Variants in COL21A1 observed in about 807,000 individuals in gnomAD.
COL21A1 encodes the protein collagen alpha-1(XXI) chain.
Under a neutral mutation model 137.9 loss-of-function variants are expected in COL21A1, and 149 were observed. The observed-to-expected ratio is 1.08, with a 90% CI of 0.95 to 1.24. COL21A1 has a LOEUF of 1.24. Among genes scored for constraint, COL21A1 ranks in the 50% most tolerant of loss-of-function variants. The pLI is 0.00. For synonymous variants in COL21A1, 456 were observed against 391.5 expected (o/e 1.16, Z -1.95); for missense variants, 1,167 against 1,158.4 (o/e 1.01, Z -0.11).
intron 1 of COL21A1, among the ~76,000 whole-genome samples, chr6:56,270,642 C>T (rs1763503569): frequency 1.3e-5 from 2 of 152,222 alleles, no homozygotes; most frequent in African/African-American, 4.8e-5. Context: ...GTTTCTCTCA[C>T]CCTAATCTCA....
At chr6:56,267,943 G>A (rs1196259253) in intron 1 of COL21A1, among the ~76,000 whole-genome samples, 2 of 152,066 alleles carry the variant, frequency 1.3e-5, no homozygotes, top group Non-Finnish European at 2.9e-5. Flanking sequence ...AGCCTCCACT[G>A]CCCAGCCTTT....
intron 1 of COL21A1, among the ~76,000 whole-genome samples, chr6:56,316,201 T>C (rs1180445216): frequency 6.6e-6 from 1 of 152,224 alleles, no homozygotes; most frequent in Non-Finnish European, 1.5e-5. Context: ...CCTCACATTC[T>C]TAACATTTTT....
At chr6:56,067,148 C>T in intron 23 of COL21A1, 147 bp downstream of exon 23, 1 of 647,146 alleles carries the variant, frequency 1.5e-6, no homozygotes. Context: ...TTGGTCTTGT[C>T]TGAAAAGCTC....
intron 1 of COL21A1, among the ~76,000 whole-genome samples, chr6:56,377,622 G>A (rs1044463928): frequency 1.4e-4 from 22 of 152,076 alleles, no homozygotes; most frequent in African/African-American, 5.1e-4. Flanking sequence ...GCACTCTGGG[G>A]GTCTAAATAA....
chr6:56,124,189 T>C (rs538458919), intron 15 of COL21A1, 50 bp downstream of exon 15: 12 of 1,546,964 alleles, frequency 7.8e-6, no homozygotes, highest in East Asian at 2.4e-5. Context: ...TACTATAAGA[T>C]AGATTTTATT....
At position 56,170,863 on chromosome 6, in the gene COL21A1, T is replaced by C. The variant is rs185452039; in HGVS notation, c.812A>G (p.Asn271Ser). The C allele has an allele frequency of 1.7e-4, 276 of 1,608,340 alleles. 2 individuals are homozygous for C. Among genetic ancestry groups the C allele is most frequent in the Admixed American group, 1.2e-4 (7 of 59,116 alleles). The part of the protein sequence containing the change: ...SKVDLSELTS[N>S]VFPEGLPPSY... ...TGGAGGAAGACCTTCTGGGAAAACA[T>C]TGCTAGAAAAAGAAGAGCAAGTGTA... is the stretch of plus-strand genomic sequence containing the variant. Residue 271 changes from asparagine (N) to serine (S), a missense_variant and splice_region_variant, in exon 5 of 30, where the codon AAT becomes AGT. Coordinates refer to ENST00000244728, the MANE Select transcript of COL21A1 (RefSeq NM_030820.4).
At chr6:56,380,614 C>T (rs910451320) in intron 1 of COL21A1, among the ~76,000 whole-genome samples, 2 of 152,234 alleles carry the variant, frequency 1.3e-5, no homozygotes, top group African/African-American at 4.8e-5. Context: ...AACAAGGTGA[C>T]TCTCTGCCTT....
intron 1 of COL21A1, among the ~76,000 whole-genome samples, chr6:56,340,311 T>A (rs888386587): frequency 6.6e-6 from 1 of 152,154 alleles, no homozygotes. Flanking sequence ...TGAAATGAGC[T>A]ATCAATCCAT....
intron 1 of COL21A1, among the ~76,000 whole-genome samples, chr6:56,294,726 T>A (rs762956390): frequency 6.6e-6 from 1 of 152,054 alleles, no homozygotes; most frequent in East Asian, 1.9e-4. Context: ...GAGTATCTCC[T>A]GTATGTTTAT....
At position 56,180,167 on chromosome 6, in the gene COL21A1, T is replaced by C. The variant is rs770632582; in HGVS notation, c.89-38A>G. 14 of 1,501,520 alleles carry C rather than the reference T, an allele frequency of 9.3e-6. No individual in the cohort carries two copies. In the African/African-American group the frequency reaches 1.4e-4, roughly 15 times the overall value. 93.0% of individuals were successfully genotyped at this position (1,501,520 alleles called of 1,614,324 possible). The stretch of plus-strand genomic sequence containing the variant: ...GAAAACCATCATAGCACATCTTTTA[T>C]ATAAAAAGCAAAAAGGGAGAGATTT... On this transcript the variant is annotated intron_variant, in intron 2 of 29. Transcript: ENST00000244728.
chr6:56,182,411 G>A (rs1777969453), intron 2 of COL21A1, 120 bp downstream of exon 2: 2 of 647,664 alleles, frequency 3.1e-6, no homozygotes, highest in Non-Finnish European at 5.4e-6. Context: ...TTTATTTTAG[G>A]GAGTTACAGA....
chr6:56,258,876 A>G (rs928961323), intron 1 of COL21A1, among the ~76,000 whole-genome samples: 17 of 152,198 alleles, frequency 1.1e-4, no homozygotes, highest in Admixed American at 6.5e-5. Context: ...ATATTTCAAG[A>G]AAAAGAAAAA....
chr6:56,100,646 G>T (rs1026905207), intron 17 of COL21A1, among the ~76,000 whole-genome samples: 3 of 152,006 alleles, frequency 2.0e-5, no homozygotes, highest in African/African-American at 7.3e-5. Flanking sequence ...ATAAGCTTCT[G>T]GAAGGTAATA....
At chr6:56,170,420 T>C (rs753618748) in intron 5 of COL21A1, among the ~76,000 whole-genome samples, 3 of 151,960 alleles carry the variant, frequency 2.0e-5, no homozygotes, top group Non-Finnish European at 4.4e-5. Flanking sequence ...TGGTACCTAG[T>C]AGTAGGCACT....
At chr6:56,226,545 G>A (rs1781207124) in intron 1 of COL21A1, among the ~76,000 whole-genome samples, 1 of 152,024 alleles carries the variant, frequency 6.6e-6, no homozygotes, top group Admixed American at 6.6e-5. Flanking sequence ...CACTAAGGAT[G>A]TTGAAAATAT....
In COL21A1 at chr6:56,060,142, A is replaced by G; in HGVS notation, c.2484T>C (p.Gly828=). 3 of 1,608,068 alleles carry G rather than the reference A, an allele frequency of 1.9e-6. No individual in the cohort carries two copies. The East Asian group carries it at 6.7e-5, about 36-fold the overall frequency. The change falls in exon 28 of 30, where the codon GGT becomes GGC. Residue 828 remains glycine, a synonymous_variant. Transcript: ENST00000244728. ...CTATCGGACCAGGTGGCCCAGGAAT[A>G]CCCGGGGAGCCATGTTGGGACAGGC... ...DHCLSQHGSP[G]IPGPPGPIGP... is the part of the protein sequence containing the mutation.
At chr6:56,098,384 AATATATAAATAT>A (rs1769857813) in intron 17 of COL21A1, among the ~76,000 whole-genome samples, 3 of 24,116 alleles carry the variant, frequency 1.2e-4, no homozygotes, top group African/African-American at 5.1e-4. Context: ...AATATATATA[AATATATAAATAT>A]ATATATAAAT....
At chr6:56,343,182 C>T (rs1765509021) in intron 1 of COL21A1, among the ~76,000 whole-genome samples, 1 of 152,012 alleles carries the variant, frequency 6.6e-6, no homozygotes. Context: ...CCATAGGGAC[C>T]ACCCAGAGAG....
At chr6:56,116,394 G>A (rs1771922077) in intron 16 of COL21A1, among the ~76,000 whole-genome samples, 1 of 43,832 alleles carries the variant, frequency 2.3e-5, no homozygotes, top group African/African-American at 1.0e-4. Flanking sequence ...AAGTGCCAAA[G>A]GTAAAAAAAA....
Sources: gnomAD v4.1 joint callset for allele counts (sites outside exome capture counted in the v4.1 genomes callset) on GRCh38, gnomAD v4.1.1 for gene constraint, MANE v1.5 for transcripts, NCBI Gene and HGNC (gene_info 2026-07-23, HGNC 2026-07-21) for gene names.